CDH9: variants seen among roughly 807,000 people sequenced by gnomAD.
CDH9 encodes cadherin 9.
Under a neutral mutation model 70.9 loss-of-function variants are expected in CDH9, and 28 were observed. The observed-to-expected ratio is 0.40, with a 90% confidence interval of 0.29 to 0.54. The LOEUF is 0.54. Among genes scored for constraint, CDH9 ranks in the 20% least tolerant of loss-of-function variants. The pLI is 0.59. For synonymous variants in CDH9, 409 were observed against 343.1 expected (o/e 1.19, Z -2.12); for missense variants, 874 against 984.4 (o/e 0.89, Z 1.50).
chr5:26,890,564 C>G lies in CDH9; in HGVS notation c.1254G>C (p.Lys418Asn). The G allele has an allele frequency of 6.2e-7, 1 of 1,602,570 alleles. No homozygotes were observed. Among genetic ancestry groups the G allele is most frequent in the Non-Finnish European group, 8.5e-7 (1 of 1,169,806 alleles). Residue 418 changes from lysine to asparagine, a missense_variant and splice_region_variant, in exon 8 of 12, where the codon AAG becomes AAC. Lys to Asn is a moderately conservative substitution (Grantham distance 94). Coordinates refer to ENST00000231021, the MANE Select transcript of CDH9 (RefSeq NM_016279.4). ...YDPDARNNLIKYSVDRHTDMD... is the reference protein window; with the variant it reads ...YDPDARNNLINYSVDRHTDMD... Reference sequence around the variant, plus strand: ...TATCAGTATGCCGATCAACAGAGTACCTGGCAGAAGACAGACTCATAAATC... The same window carrying G: ...TATCAGTATGCCGATCAACAGAGTAGCTGGCAGAAGACAGACTCATAAATC...
chr5:26,920,776 C>T (rs542010496), intron 2 of CDH9, among the ~76,000 whole-genome samples: 49 of 152,302 alleles, frequency 3.2e-4, no homozygotes, highest in African/African-American at 1.0e-3. Flanking sequence ...GCAAGAGCCA[C>T]AGCATTAATT....
At chr5:26,891,451 G>A (rs1413526968) in intron 7 of CDH9, among the ~76,000 whole-genome samples, 1 of 152,156 alleles carries the variant, frequency 6.6e-6, no homozygotes, top group Non-Finnish European at 1.5e-5. Context: ...GCCGAGGTGA[G>A]TGGATCATCT....
intron 2 of CDH9, among the ~76,000 whole-genome samples, chr5:26,931,095 T>C (rs1182735675): frequency 1.3e-5 from 2 of 152,156 alleles, no homozygotes; most frequent in African/African-American, 4.8e-5. Context: ...ACGACAAACC[T>C]GGACAAAATA....
chr5:26,960,659 T>C (rs931782843), intron 2 of CDH9, among the ~76,000 whole-genome samples: 1 of 151,988 alleles, frequency 6.6e-6, no homozygotes, highest in Non-Finnish European at 1.5e-5. Flanking sequence ...ACACTTTATA[T>C]GCACTAGTAT....
chr5:26,886,232 C>A, intron 9 of CDH9, 149 bp from the exon 10 acceptor site: 1 of 954,838 alleles, frequency 1.0e-6, no homozygotes, highest in Non-Finnish European at 1.5e-6. Context: ...GAAAATTATG[C>A]CAATGTCTTA....
At position 26,972,328 on chromosome 5, in the gene CDH9, A is replaced by G. The variant is rs1742233809; in HGVS notation, c.228+15778T>C. ...GAAGAGAAATCAAAAGAACCAGATT[A>G]ATCACAGGAGTCACAAAAAAGGCAG... is the stretch of plus-strand genomic sequence containing the variant. On this transcript the variant is annotated intron_variant, in intron 2 of 11. Coordinates refer to ENST00000231021, the MANE Select transcript of CDH9 (RefSeq NM_016279.4). Among the ~76,000 whole-genome samples the G allele has an allele frequency of 3.9e-5, 6 of 152,310 alleles. 1 individual carries two copies. The South Asian group carries it at 1.2e-3, about 32-fold the overall frequency.
intron 2 of CDH9, among the ~76,000 whole-genome samples, chr5:26,972,916 T>G (rs1411266772): frequency 6.6e-6 from 1 of 151,308 alleles, no homozygotes; most frequent in Non-Finnish European, 1.5e-5. Context: ...CAGGCTAGAG[T>G]GCAGTGGCAC....
intron 9 of CDH9, among the ~76,000 whole-genome samples, chr5:26,889,294 T>A (rs1390901445): frequency 6.6e-6 from 1 of 152,106 alleles, no homozygotes; most frequent in Non-Finnish European, 1.5e-5. Context: ...TTTGAAAGAA[T>A]TACTTTGTAA....
At chr5:26,976,305 C>A (rs1742301558) in intron 2 of CDH9, among the ~76,000 whole-genome samples, 1 of 152,152 alleles carries the variant, frequency 6.6e-6, no homozygotes, top group Non-Finnish European at 1.5e-5. Context: ...ATCAGTGAAT[C>A]TGGCTAAAGA....
chr5:26,925,045 A>G (rs915279849), intron 2 of CDH9, among the ~76,000 whole-genome samples: 1 of 152,146 alleles, frequency 6.6e-6, no homozygotes, highest in African/African-American at 2.4e-5. Flanking sequence ...AGCATGATTT[A>G]TAATCCTTTG....
At chr5:26,942,952 C>T (rs1741688269) in intron 2 of CDH9, among the ~76,000 whole-genome samples, 1 of 152,046 alleles carries the variant, frequency 6.6e-6, no homozygotes, top group Non-Finnish European at 1.5e-5. Flanking sequence ...TCCCTGCTGC[C>T]AGTGAAAATT....
At chr5:26,902,989 A>T (rs1302073191) in intron 6 of CDH9, 2 of 326,088 alleles carry the variant, frequency 6.1e-6, no homozygotes, top group Admixed American at 4.5e-5. Context: ...TTTTGGTGAC[A>T]AGTAAATGAA....
chr5:26,881,311 T>TA lies in CDH9; in HGVS notation c.2194dup (p.Tyr732LeufsTer2). ...ATAGGCATACGTTGCCAGCGAATCA[T>TA]ATGGAGGTGCACTTGGGTCTGCGTC... is the stretch of plus-strand genomic sequence containing the variant. On this transcript the variant is annotated frameshift_variant, in exon 12 of 12. Coordinates refer to ENST00000231021, the MANE Select transcript of CDH9 (RefSeq NM_016279.4). LOFTEE classifies it high-confidence loss of function. 6.2e-7 allele frequency: 1 copy of TA among 1,613,178 alleles called. No homozygotes were observed. The highest frequency in any genetic ancestry group is 8.5e-7 in the Non-Finnish European group (1 of 1,179,250).
intron 2 of CDH9, among the ~76,000 whole-genome samples, chr5:26,950,147 G>C (rs1477276848): frequency 6.6e-6 from 1 of 152,116 alleles, no homozygotes; most frequent in Non-Finnish European, 1.5e-5. Flanking sequence ...AGGCAAAACT[G>C]TTATTGCTAC....
intron 2 of CDH9, among the ~76,000 whole-genome samples, chr5:26,957,121 C>A (rs1353486563): frequency 6.7e-6 from 1 of 149,996 alleles, no homozygotes; most frequent in East Asian, 2.0e-4. Flanking sequence ...ATAGAATATA[C>A]CCCTGATTTT....
intron 3 of CDH9, among the ~76,000 whole-genome samples, chr5:26,909,837 T>C (rs1017620115): frequency 6.6e-6 from 1 of 151,942 alleles, no homozygotes; most frequent in Non-Finnish European, 1.5e-5. Flanking sequence ...AATTCTATAA[T>C]AGTAAATCAT....
chr5:26,978,129 A>G (rs1742335581), intron 2 of CDH9, among the ~76,000 whole-genome samples: 1 of 151,982 alleles, frequency 6.6e-6, no homozygotes, highest in African/African-American at 2.4e-5. Context: ...TCTAGTATAT[A>G]ATCTAAGCTT....
chr5:26,947,460 A>C (rs1388777519), intron 2 of CDH9, among the ~76,000 whole-genome samples: 2 of 152,210 alleles, frequency 1.3e-5, no homozygotes, highest in Non-Finnish European at 2.9e-5. Flanking sequence ...CAGTTTTGAC[A>C]GAACTCAATT....
intron 2 of CDH9, among the ~76,000 whole-genome samples, chr5:26,980,777 TCTA>T (rs144776263): frequency 0.013 from 1,920 of 152,112 alleles, 59 homozygotes; most frequent in African/African-American, 0.044. Flanking sequence ...AGAAAAAATG[TCTA>T]CTTTTTCTGA....
Sources: allele counts gnomAD v4.1 joint callset (sites outside exome capture counted in the v4.1 genomes callset), GRCh38; gene constraint gnomAD v4.1.1; transcripts MANE v1.5; gene names NCBI Gene and HGNC (gene_info 2026-07-23, HGNC 2026-07-21).